The following PLCXD3 variants were observed in gnomAD, a reference collection of about 807,000 sequenced individuals.
PLCXD3 encodes phosphatidylinositol specific phospholipase C X domain containing 3, also known as PI-PLC X domain-containing protein 3.
PLCXD3 carries 19 observed loss-of-function variants against 25.5 expected under a neutral mutation model. The ratio of observed to expected loss-of-function variants is 0.75; its 90% CI spans 0.52 to 1.09. The LOEUF (loss-of-function observed/expected upper bound fraction) is 1.09. Ranked by LOEUF, PLCXD3 falls within the 50% of genes least tolerant of loss-of-function variation. The pLI is 0.00. For synonymous variants in PLCXD3, 174 were observed against 137.6 expected (o/e 1.26, Z -1.85); for missense variants, 411 against 388.1 (o/e 1.06, Z -0.50).
chr5:41,365,497 T>G (rs1052807019), intron 2 of PLCXD3, among the ~76,000 whole-genome samples: 1 of 152,134 alleles, frequency 6.6e-6, no homozygotes, highest in Non-Finnish European at 1.5e-5. Flanking sequence ...AATCTCACAC[T>G]CCAAGGAGAT....
At chr5:41,419,103 A>G (rs1746757599) in intron 1 of PLCXD3, among the ~76,000 whole-genome samples, 1 of 148,328 alleles carries the variant, frequency 6.7e-6, no homozygotes, top group Admixed American at 6.7e-5. Flanking sequence ...ATGAAAGTTG[A>G]AAATTTGGCA....
intron 2 of PLCXD3, among the ~76,000 whole-genome samples, chr5:41,378,113 T>C (rs1745351278): frequency 6.6e-6 from 1 of 152,108 alleles, no homozygotes. Flanking sequence ...AGCCAACAAG[T>C]TCTGGGGAGT....
chr5:41,339,554 G>T (rs1397781105), intron 2 of PLCXD3, among the ~76,000 whole-genome samples: 1 of 152,018 alleles, frequency 6.6e-6, no homozygotes, highest in African/African-American at 2.4e-5. Flanking sequence ...ACAGAAGCAG[G>T]GTTTCCAGGG....
chr5:41,473,064 C>T (rs1270444562), intron 1 of PLCXD3, among the ~76,000 whole-genome samples: 2 of 151,672 alleles, frequency 1.3e-5, no homozygotes, highest in African/African-American at 4.8e-5. Flanking sequence ...TTTAAGTGTT[C>T]TACTTTCTAG....
intron 1 of PLCXD3, among the ~76,000 whole-genome samples, chr5:41,457,973 G>A (rs1747791886): frequency 1.3e-5 from 2 of 151,622 alleles, no homozygotes; most frequent in African/African-American, 4.8e-5. Context: ...GTAGACATGG[G>A]GACAAAGAAA....
intron 2 of PLCXD3, among the ~76,000 whole-genome samples, chr5:41,331,541 C>T (rs1400516556): frequency 1.3e-5 from 2 of 152,156 alleles, no homozygotes; most frequent in African/African-American, 4.8e-5. Context: ...AGATTCAAGG[C>T]CATCCCCATC....
intron 1 of PLCXD3, among the ~76,000 whole-genome samples, chr5:41,506,937 G>C (rs1749061364): frequency 6.6e-6 from 1 of 151,806 alleles, no homozygotes; most frequent in African/African-American, 2.4e-5. Flanking sequence ...ATTATTTCAT[G>C]GTCAGTTTGC....
rs547566920 is a variant in PLCXD3 at position 41,482,312 on chromosome 5, T to TTATG, written c.103+28108_103+28111dup. On this transcript the variant is annotated intron_variant, in intron 1 of 2. Transcript: ENST00000377801. ...GAATGAGTCCCAAATCCAAGTTGCA[T>TTATG]TATGGTGCTACCGACCCTATCCATG... is the stretch of plus-strand genomic sequence containing the variant. Among the ~76,000 whole-genome samples, 1,259 of 152,236 alleles carry TTATG rather than the reference T, an allele frequency of 8.3e-3. 18 individuals carry two copies. The highest frequency in any genetic ancestry group is 0.029 in the African/African-American group (1,200 of 41,538).
intron 1 of PLCXD3, among the ~76,000 whole-genome samples, chr5:41,414,031 T>G (rs572535413): frequency 6.6e-6 from 1 of 152,048 alleles, no homozygotes; most frequent in African/African-American, 2.4e-5. Context: ...TTTGAGTTTT[T>G]TTAGATACAC....
At chr5:41,487,324 G>A (rs886589695) in intron 1 of PLCXD3, among the ~76,000 whole-genome samples, 1 of 151,884 alleles carries the variant, frequency 6.6e-6, no homozygotes, top group Admixed American at 6.6e-5. Flanking sequence ...GAAAGATTTT[G>A]AAAAAAAGGA....
Position 41,415,958 on chromosome 5 carries a change from C to G in PLCXD3, c.104-33424G>C, listed in dbSNP as rs143564556. 3.4e-4 allele frequency among the ~76,000 whole-genome samples: 52 copies of G among 152,234 alleles called. No individual in the cohort carries two copies. In the East Asian group the frequency reaches 6.4e-3, roughly 19 times the overall value. The stretch of plus-strand genomic sequence containing the variant: ...GGCTAGTAACAGGTAACTGTGGCCA[C>G]TCTTAACTGATAAGAATCAGGAGTG... On this transcript the variant is annotated intron_variant, in intron 1 of 2. Transcript: ENST00000377801.
chr5:41,499,893 G>A (rs945089621), intron 1 of PLCXD3, among the ~76,000 whole-genome samples: 6 of 151,770 alleles, frequency 4.0e-5, no homozygotes, highest in African/African-American at 1.4e-4. Flanking sequence ...GGAAAGGATA[G>A]TCTCTTTGAT....
intron 2 of PLCXD3, among the ~76,000 whole-genome samples, chr5:41,342,372 C>G (rs1276923444): frequency 6.6e-6 from 1 of 152,062 alleles, no homozygotes; most frequent in African/African-American, 2.4e-5. Context: ...TCTAGAAAAC[C>G]TGAATATATA....
At chr5:41,339,266 A>G (rs907325949) in intron 2 of PLCXD3, among the ~76,000 whole-genome samples, 2 of 152,090 alleles carry the variant, frequency 1.3e-5, no homozygotes, top group South Asian at 2.1e-4. Flanking sequence ...GAGTGATCCA[A>G]GGGTAGATAG....
chr5:41,354,064 CT>C (rs1291868446), intron 2 of PLCXD3, among the ~76,000 whole-genome samples: 1 of 152,232 alleles, frequency 6.6e-6, no homozygotes, highest in East Asian at 1.9e-4. Context: ...AGCCCCACAG[CT>C]TTTTTGCAAC....
At position 41,308,686 on chromosome 5, in the gene PLCXD3, A is replaced by T. The variant is rs1251951564; in HGVS notation, c.*4931T>A. 3.3e-5 allele frequency: 5 copies of T among 152,184 alleles called. No homozygotes were observed. Among genetic ancestry groups the T allele is most frequent in the Non-Finnish European group, 7.4e-5 (5 of 68,022 alleles). The allele number at this position is 152,184 out of a possible 1,614,324, so 9.4% of individuals were successfully genotyped here. On this transcript the variant is annotated 3_prime_UTR_variant, in exon 3 of 3. Transcript: ENST00000377801. ...AGCTCTCCTAACACCAAGGCAGTTCATCTTACTTGGGAAGATTGAATTTTA... is the reference window on the plus strand; with the variant it reads ...AGCTCTCCTAACACCAAGGCAGTTCTTCTTACTTGGGAAGATTGAATTTTA...
intron 1 of PLCXD3, among the ~76,000 whole-genome samples, chr5:41,391,672 GA>G (rs1217969537): frequency 6.6e-6 from 1 of 152,138 alleles, no homozygotes; most frequent in Non-Finnish European, 1.5e-5. Flanking sequence ...TTACTCTTGA[GA>G]AAAGCAAAGG....
At chr5:41,435,141 G>A (rs1021624612) in intron 1 of PLCXD3, among the ~76,000 whole-genome samples, 3 of 152,154 alleles carry the variant, frequency 2.0e-5, no homozygotes, top group Admixed American at 1.3e-4. Flanking sequence ...AAATGGTATC[G>A]TAGTGAGAAT....
chr5:41,368,645 C>T (rs1003605234), intron 2 of PLCXD3, among the ~76,000 whole-genome samples: 14 of 152,058 alleles, frequency 9.2e-5, no homozygotes, highest in African/African-American at 3.4e-4. Flanking sequence ...CCAGCTTTTG[C>T]CCATTCAGTA....
Sources: gnomAD v4.1 joint callset for allele counts (sites outside exome capture counted in the v4.1 genomes callset) on GRCh38, gnomAD v4.1.1 for gene constraint, MANE v1.5 for transcripts, NCBI Gene and HGNC (gene_info 2026-07-23, HGNC 2026-07-21) for gene names.